Variants in ENOX1 observed in about 807,000 individuals in gnomAD.
ENOX1 encodes the protein candidate growth-related and time keeping constitutive hydroquinone (NADH) oxidase.
A neutral mutation model predicts 82.5 loss-of-function variants in ENOX1; 42 were observed. The ratio of observed to expected loss-of-function variants is 0.51; its 90% CI spans 0.40 to 0.66. The LOEUF is 0.66. Among genes scored for constraint, ENOX1 ranks in the 30% least tolerant of loss-of-function variants. The pLI is 0.00. For missense variants in ENOX1, 608 were observed against 811.6 expected (o/e 0.75, Z 3.05); for synonymous variants, 271 against 282.2 (o/e 0.96, Z 0.40).
intron 1 of ENOX1, among the ~76,000 whole-genome samples, chr13:43,676,861 T>C (rs769022637): frequency 7.9e-5 from 12 of 152,174 alleles, no homozygotes; most frequent in Non-Finnish European, 1.8e-4. Flanking sequence ...ATGTGTTGCC[T>C]TCTTATGAAG....
intron 1 of ENOX1, among the ~76,000 whole-genome samples, chr13:43,744,273 T>G (rs749077966): frequency 2.6e-5 from 4 of 152,154 alleles, no homozygotes; most frequent in Non-Finnish European, 5.9e-5. Context: ...AAACAAGTTC[T>G]GGGCAACCCA....
intron 12 of ENOX1, among the ~76,000 whole-genome samples, chr13:43,285,664 G>C (rs755792352): frequency 6.6e-6 from 1 of 151,914 alleles, no homozygotes; most frequent in Non-Finnish European, 1.5e-5. Context: ...AAATTAGCTA[G>C]GCATGGTGGC....
In ENOX1 at chr13:43,623,661, C is replaced by T. The variant is rs140190099; in HGVS notation, c.-219+43818G>A. Among the ~76,000 whole-genome samples, 813 of 152,160 alleles carry T rather than the reference C, an allele frequency of 5.3e-3. 8 individuals carry two copies. Among genetic ancestry groups the T allele is most frequent in the African/African-American group, 0.018 (752 of 41,512 alleles). On this transcript the variant is annotated intron_variant, in intron 2 of 16. Coordinates refer to ENST00000690772, the MANE Select transcript of ENOX1 (RefSeq NM_001347969.2). ...TCTTGGGATGGCTGGTTTGCTCTTG[C>T]GGTCGATCTGGAGCTAAAATTCACA... is the stretch of plus-strand genomic sequence containing the variant.
intron 2 of ENOX1, among the ~76,000 whole-genome samples, chr13:43,522,827 G>A (rs763162087): frequency 8.5e-5 from 13 of 152,126 alleles, no homozygotes; most frequent in Non-Finnish European, 1.5e-5. Context: ...AACATTTGGA[G>A]GAGAGAATCT....
chr13:43,717,508 A>G (rs2088232815), intron 1 of ENOX1, among the ~76,000 whole-genome samples: 1 of 152,186 alleles, frequency 6.6e-6, no homozygotes, highest in Non-Finnish European at 1.5e-5. Flanking sequence ...AAGTTCCTAA[A>G]AGCAGTTGCA....
At chr13:43,603,558 C>G (rs141406329) in intron 2 of ENOX1, among the ~76,000 whole-genome samples, 1 of 142,610 alleles carries the variant, frequency 7.0e-6, no homozygotes, top group African/African-American at 2.8e-5. Flanking sequence ...CCACAACAGG[C>G]CCTGGTGTGT....
chr13:43,656,461 C>T (rs887181513), intron 2 of ENOX1, among the ~76,000 whole-genome samples: 3 of 152,186 alleles, frequency 2.0e-5, no homozygotes, highest in African/African-American at 4.8e-5. Flanking sequence ...ATCATCAAGA[C>T]ATGTCACAGG....
intron 3 of ENOX1, among the ~76,000 whole-genome samples, chr13:43,477,088 A>G (rs573397758): frequency 4.7e-4 from 72 of 151,990 alleles, no homozygotes; most frequent in African/African-American, 1.7e-3. Context: ...TTCCAAAGGT[A>G]TATATTCAGT....
rs1248736402 is a variant in ENOX1, at chr13:43,616,202, A to ATTTTTT, written c.-219+51276_-219+51277insAAAAAA. Among the ~76,000 whole-genome samples, 4 of 41,236 alleles carry ATTTTTT rather than the reference A, an allele frequency of 9.7e-5. 1 individual carries two copies. Among genetic ancestry groups the ATTTTTT allele is most frequent in the African/African-American group, 3.1e-4 (4 of 12,808 alleles). 27.1% of individuals were successfully genotyped at this position (41,236 alleles called of 152,430 possible). A position where few individuals can be genotyped will look rare whatever the true frequency, so the allele number is the denominator to read the frequency against. The stretch of plus-strand genomic sequence containing the variant: ...TCTATCTATCTATATATATATATAT[A>ATTTTTT]TATTTTTTTTTTTTTTTTAGGACGG... On this transcript the variant is annotated intron_variant, in intron 2 of 16. Transcript: ENST00000690772.
intron 1 of ENOX1, among the ~76,000 whole-genome samples, chr13:43,779,777 C>T (rs1952144307): frequency 6.6e-6 from 1 of 152,182 alleles, no homozygotes; most frequent in Admixed American, 6.5e-5. Flanking sequence ...AACCTCCATG[C>T]ACAGTCCACT....
chr13:43,581,145 T>C (rs2080711567), intron 2 of ENOX1, among the ~76,000 whole-genome samples: 1 of 140,642 alleles, frequency 7.1e-6, no homozygotes, highest in Admixed American at 7.1e-5. Context: ...TTTTTTTTTT[T>C]TTTTTGAGAC....
chr13:43,632,453 A>AT (rs940442149), intron 2 of ENOX1, among the ~76,000 whole-genome samples: 260 of 149,524 alleles, frequency 1.7e-3, no homozygotes, highest in African/African-American at 6.1e-3. Flanking sequence ...TATAATCTTA[A>AT]TTTTTTTTTT....
chr13:43,709,040 C>T (rs1006165644), intron 1 of ENOX1, among the ~76,000 whole-genome samples: 2 of 152,008 alleles, frequency 1.3e-5, no homozygotes, highest in African/African-American at 2.4e-5. Context: ...ATTTAAAATA[C>T]ACATATCTGA....
intron 1 of ENOX1, among the ~76,000 whole-genome samples, chr13:43,767,263 A>G (rs182896068): frequency 6.6e-6 from 1 of 152,354 alleles, no homozygotes; most frequent in African/African-American, 2.4e-5. Context: ...GGAAGTTTGC[A>G]GTGGCATCTT....
chr13:43,759,803 A>G (rs755095679), intron 1 of ENOX1, among the ~76,000 whole-genome samples: 4 of 152,242 alleles, frequency 2.6e-5, no homozygotes, highest in Non-Finnish European at 5.9e-5. Flanking sequence ...CAGCCAGACT[A>G]CAGCATAATC....
intron 14 of ENOX1, among the ~76,000 whole-genome samples, chr13:43,242,139 G>A (rs2153462268): frequency 6.6e-6 from 1 of 152,246 alleles, no homozygotes. Flanking sequence ...TCTACTCTGA[G>A]ATATTTCCAG....
intron 12 of ENOX1, among the ~76,000 whole-genome samples, chr13:43,276,302 G>A (rs1350276180): frequency 1.3e-5 from 2 of 152,034 alleles, no homozygotes; most frequent in Non-Finnish European, 2.9e-5. Flanking sequence ...TGAGTGTCCC[G>A]CCCCATCCTG....
chr13:43,477,480 T>G lies in ENOX1; in HGVS notation c.-75+6529A>C, dbSNP rs186911363. 1.2e-4 allele frequency among the ~76,000 whole-genome samples: 18 copies of G among 152,288 alleles called. No individual in the cohort carries two copies. In the East Asian group the frequency reaches 3.1e-3, roughly 26 times the overall value. ...CTAGTAAGTCTAACTTTCTTATTTC[T>G]GAGCTGAGCTGAGAATATACAAGGC... is the stretch of plus-strand genomic sequence containing the variant. On this transcript the variant is annotated intron_variant, in intron 3 of 16. Coordinates refer to ENST00000690772, the MANE Select transcript of ENOX1 (RefSeq NM_001347969.2).
rs866013529 is a variant in ENOX1 at position 43,616,209 on chromosome 13, T to A, written c.-219+51270A>T. Among the ~76,000 whole-genome samples, 18 of 42,146 alleles carry A rather than the reference T, an allele frequency of 4.3e-4. 2 individuals are homozygous for A. The highest frequency in any genetic ancestry group is 3.2e-3 in the East Asian group (4 of 1,248). 27.6% of individuals were successfully genotyped at this position (42,146 alleles called of 152,430 possible). A position where few individuals can be genotyped will look rare whatever the true frequency, so the allele number is the denominator to read the frequency against. ...ATCTATATATATATATATATATTTTTTTTTTTTTTTTAGGACGGAGTCTTA... is the reference window on the plus strand; with the variant it reads ...ATCTATATATATATATATATATTTTATTTTTTTTTTTAGGACGGAGTCTTA... On this transcript the variant is annotated intron_variant, in intron 2 of 16. Coordinates refer to ENST00000690772, the MANE Select transcript of ENOX1 (RefSeq NM_001347969.2).
Sources: gnomAD v4.1 joint callset for allele counts (sites outside exome capture counted in the v4.1 genomes callset) on GRCh38, gnomAD v4.1.1 for gene constraint, MANE v1.5 for transcripts, NCBI Gene and HGNC (gene_info 2026-07-23, HGNC 2026-07-21) for gene names.